Variants in CCDC73 observed in about 807,000 individuals in gnomAD.
CCDC73 encodes coiled-coil domain-containing protein 73.
In CCDC73, 95 loss-of-function variants were observed where a neutral mutation model predicts 116.5. The observed-to-expected ratio is 0.82, with a 90% CI of 0.69 to 0.97. The LOEUF (loss-of-function observed/expected upper bound fraction) is 0.97. CCDC73 is among the 50% of genes least tolerant of loss of function. CCDC73 has a pLI of 0.00. For missense variants in CCDC73, 1,066 were observed against 1,206.8 expected (o/e 0.88, Z 1.73); for synonymous variants, 398 against 401.3 (o/e 0.99, Z 0.10).
intron 14 of CCDC73, among the ~76,000 whole-genome samples, chr11:32,631,954 T>C (rs1358013085): frequency 6.6e-6 from 1 of 152,330 alleles, no homozygotes; most frequent in Non-Finnish European, 1.5e-5. Flanking sequence ...ATTTCTCTTG[T>C]GAGGTTCTCT....
intron 1 of CCDC73, among the ~76,000 whole-genome samples, chr11:32,763,143 C>T (rs141331740): frequency 0.017 from 2,576 of 152,352 alleles, 76 homozygotes; most frequent in African/African-American, 0.057. Context: ...AGGAGGCCTG[C>T]CTGCCTCTGT....
chr11:32,734,202 C>A (rs1308343877), intron 2 of CCDC73, among the ~76,000 whole-genome samples: 1 of 152,144 alleles, frequency 6.6e-6, no homozygotes, highest in African/African-American at 2.4e-5. Context: ...GACACATACA[C>A]CCTCCCAAGA....
intron 2 of CCDC73, 78 bp downstream of exon 2, chr11:32,760,031 T>C: frequency 8.0e-7 from 1 of 1,255,168 alleles, no homozygotes; most frequent in Admixed American, 2.3e-5. Flanking sequence ...TTTTTAGGCT[T>C]TTTATTCTTT....
At position 32,656,080 on chromosome 11, in the gene CCDC73, TTTTC is replaced by T. The variant is rs566928122; in HGVS notation, c.646-1112_646-1109del. Reference sequence around the variant, plus strand: ...AGTGGGCAGTTTTTCTTTTCTTTTCTTTTCTTTTTTTTTTTGAGACGGCGTCTTG... The same window carrying T: ...AGTGGGCAGTTTTTCTTTTCTTTTCTTTTTTTTTTTTGAGACGGCGTCTTG... On this transcript the variant is annotated intron_variant, in intron 9 of 17. Transcript: ENST00000335185. Among the ~76,000 whole-genome samples, 518 of 120,062 alleles carry T rather than the reference TTTTC, an allele frequency of 4.3e-3. 1 individual carries two copies. The highest frequency in any genetic ancestry group is 0.015 in the African/African-American group (470 of 30,854). The allele number at this position is 120,062 out of a possible 152,430, so 78.8% of individuals were successfully genotyped here. A position where few individuals can be genotyped will look rare whatever the true frequency, so the allele number is the denominator to read the frequency against.
chr11:32,697,394 C>T (rs1457341421), intron 6 of CCDC73, among the ~76,000 whole-genome samples: 2 of 151,756 alleles, frequency 1.3e-5, no homozygotes, highest in African/African-American at 4.8e-5. Flanking sequence ...ATTGTCCTCT[C>T]CAATTTTTTA....
chr11:32,745,410 T>A (rs1167013114), intron 2 of CCDC73, among the ~76,000 whole-genome samples: 1 of 152,160 alleles, frequency 6.6e-6, no homozygotes, highest in Non-Finnish European at 1.5e-5. Flanking sequence ...TCTGTAGATA[T>A]CTATTAGGTC....
the CCDC73 span, among the ~76,000 whole-genome samples, chr11:32,807,612 T>TC: frequency 8.7e-5 from 13 of 150,042 alleles, no homozygotes; most frequent in South Asian, 2.3e-3. Context: ...TTTTTTTAGC[T>TC]CAGCAGCTAT....
intron 1 of CCDC73, among the ~76,000 whole-genome samples, chr11:32,783,389 T>C (rs1446831315): frequency 6.6e-6 from 1 of 151,806 alleles, no homozygotes; most frequent in Non-Finnish European, 1.5e-5. Context: ...CTTAAGGATT[T>C]CTTTAAGGAA....
At chr11:32,823,138 A>C in the CCDC73 span, among the ~76,000 whole-genome samples, 1 of 152,068 alleles carries the variant, frequency 6.6e-6, no homozygotes, top group African/African-American at 2.4e-5. Flanking sequence ...AGGATGAAAG[A>C]CAGATCAATA....
chr11:32,746,435 T>C (rs750084314), intron 2 of CCDC73, among the ~76,000 whole-genome samples: 2 of 152,214 alleles, frequency 1.3e-5, no homozygotes, highest in African/African-American at 4.8e-5. Context: ...AGTATCTTTG[T>C]GGTGTTCTCT....
chr11:32,771,098 C>G (rs748654331), intron 1 of CCDC73, among the ~76,000 whole-genome samples: 29 of 152,146 alleles, frequency 1.9e-4, no homozygotes, highest in Non-Finnish European at 3.2e-4. Flanking sequence ...AGAAAAGATT[C>G]ATAGAAACCA....
chr11:32,732,488 GAAGGAAAAAATGTT>G, intron 2 of CCDC73, among the ~76,000 whole-genome samples: 1 of 152,242 alleles, frequency 6.6e-6, no homozygotes, highest in Admixed American at 6.5e-5. Flanking sequence ...AAGTTGAAAT[GAAGGAAAAAATGTT>G]AAGGGCAGCC....
chr11:32,682,717 C>T (rs1483992288), intron 7 of CCDC73: 2 of 151,738 alleles, frequency 1.3e-5, no homozygotes, highest in African/African-American at 4.8e-5. Flanking sequence ...AAAAAAAATC[C>T]TTCTGAATAA....
intron 17 of CCDC73, among the ~76,000 whole-genome samples, chr11:32,606,901 C>T (rs545037730): frequency 4.1e-5 from 6 of 147,814 alleles, no homozygotes; most frequent in South Asian, 4.3e-4. Flanking sequence ...TTCAGCCTCC[C>T]GAGTAGCTGG....
chr11:32,639,864 C>T (rs1201222917), intron 13 of CCDC73, among the ~76,000 whole-genome samples: 2 of 152,260 alleles, frequency 1.3e-5, no homozygotes, highest in East Asian at 1.9e-4. Flanking sequence ...AAAAGATATA[C>T]ATAACATTGT....
chr11:32,759,473 A>G (rs1169732138), intron 2 of CCDC73, among the ~76,000 whole-genome samples: 1 of 151,734 alleles, frequency 6.6e-6, no homozygotes, highest in Non-Finnish European at 1.5e-5. Flanking sequence ...TGGGACTACA[A>G]GCATGCGCCA....
chr11:32,770,306 C>T (rs147591294), intron 1 of CCDC73, among the ~76,000 whole-genome samples: 4 of 152,204 alleles, frequency 2.6e-5, no homozygotes, highest in Middle Eastern at 3.4e-3. Context: ...AGAGCTCATA[C>T]AGTGTCAATT....
intron 1 of CCDC73, among the ~76,000 whole-genome samples, chr11:32,766,404 A>G (rs986952130): frequency 4.4e-4 from 67 of 152,328 alleles, no homozygotes; most frequent in Non-Finnish European, 7.8e-4. Flanking sequence ...GCATAAGACA[A>G]GGATGCCCTC....
chr11:32,669,522 C>T lies in CCDC73; in HGVS notation c.645+6043G>A, dbSNP rs115967573. On this transcript the variant is annotated intron_variant, in intron 9 of 17. Coordinates refer to ENST00000335185, the MANE Select transcript of CCDC73 (RefSeq NM_001008391.4). Reference sequence around the variant, plus strand: ...TACAATTATCACTGACAATAATCACCCTGTTGTGCTATCAAATACTATGTC... The same window carrying T: ...TACAATTATCACTGACAATAATCACTCTGTTGTGCTATCAAATACTATGTC... Among the ~76,000 whole-genome samples the T allele has an allele frequency of 3.5e-3, 536 of 151,944 alleles. 6 individuals carry two copies. The highest frequency in any genetic ancestry group is 0.012 in the African/African-American group (517 of 41,432).
Sources: allele counts gnomAD v4.1 joint callset (sites outside exome capture counted in the v4.1 genomes callset), GRCh38; gene constraint gnomAD v4.1.1; transcripts MANE v1.5; gene names NCBI Gene and HGNC (gene_info 2026-07-23, HGNC 2026-07-21).